Variants in GAS7 observed in about 807,000 individuals in gnomAD.
GAS7 encodes growth arrest-specific protein 7.
In GAS7, 28 loss-of-function variants were observed where a neutral mutation model predicts 71.1. The ratio of observed to expected loss-of-function variants is 0.39; its 90% CI spans 0.29 to 0.54. The LOEUF is 0.54. GAS7 is among the 20% of genes least tolerant of loss of function. The probability of loss-of-function intolerance (pLI) is 0.62; values close to 1 mark genes in which losing one functional copy is unlikely to be tolerated. For synonymous variants in GAS7, 258 were observed against 245.8 expected, an observed-to-expected ratio of 1.05 and a Z score of -0.46; for missense variants, 436 against 627.8, an observed-to-expected ratio of 0.69 and a Z score of 3.27.
At chr17:9,924,996 C>A (rs2067944660) in intron 11 of GAS7, among the ~76,000 whole-genome samples, 1 of 152,216 alleles carries the variant, frequency 6.6e-6, no homozygotes, top group South Asian at 2.1e-4. Context: ...AAAGTGTCAG[C>A]CTCTGTTCCC....
rs949691462 is a variant in GAS7 at position 10,019,816 on chromosome 17, G to T, written c.265C>A (p.Pro89Thr). The T allele has an allele frequency of 1.2e-6, 2 of 1,614,102 alleles. No individual in the cohort carries two copies. Among genetic ancestry groups the T allele is most frequent in the Non-Finnish European group, 1.7e-6 (2 of 1,179,982 alleles). The part of the protein sequence containing the change: ...LPPGWQSYLS[P>T]QGRRYYVNTT... ...TTGACATAGTACCGCCGGCCCTGAG[G>T]CGACAGGTAGCTCTGCCAGCCAGGT... The change falls in exon 2 of 14, where the codon CCT becomes ACT. Residue 89 changes from proline (P) to threonine (T), a missense_variant. Transcript: ENST00000432992.
chr17:10,060,276 G>A (rs751957463), intron 1 of GAS7, among the ~76,000 whole-genome samples: 7 of 152,212 alleles, frequency 4.6e-5, no homozygotes, highest in Non-Finnish European at 7.3e-5. Flanking sequence ...CCAGCTAGCC[G>A]AGTGACACTG....
chr17:9,922,189 GT>G (rs1314610530), intron 11 of GAS7, among the ~76,000 whole-genome samples: 1 of 130,910 alleles, frequency 7.6e-6, no homozygotes, highest in Non-Finnish European at 1.8e-5. Context: ...GGCTATGGTG[GT>G]GATGAAGATG....
At chr17:10,022,303 G>A (rs545004509) in intron 1 of GAS7, among the ~76,000 whole-genome samples, 64 of 152,248 alleles carry the variant, frequency 4.2e-4, no homozygotes, top group Non-Finnish European at 7.5e-4. Flanking sequence ...TTTGATGAAA[G>A]AGATTCTAGA....
chr17:10,198,548 G>C lies in GAS7; in HGVS notation c.-158C>G. ...GCGCGGGGGTCCTCAGGCAGGCGGG[G>C]GACGCGCGCTCCGCGCCGGGAAGCA... On this transcript the variant is annotated 5_prime_UTR_variant, in exon 1 of 14. Coordinates refer to ENST00000432992, the MANE Select transcript of GAS7 (RefSeq NM_201433.2). 2.4e-6 allele frequency: 1 copy of C among 416,156 alleles called. No individual in the cohort carries two copies. Among genetic ancestry groups the C allele is most frequent in the Non-Finnish European group, 4.1e-6 (1 of 245,176 alleles). The allele number at this position is 416,156 out of a possible 1,614,324, so 25.8% of individuals were successfully genotyped here.
At chr17:10,048,331 C>CA (rs1266044044) in intron 1 of GAS7, among the ~76,000 whole-genome samples, 4 of 152,292 alleles carry the variant, frequency 2.6e-5, no homozygotes, top group Admixed American at 1.3e-4. Flanking sequence ...ACAACAACAA[C>CA]AAAAAATCAT....
intron 6 of GAS7, among the ~76,000 whole-genome samples, chr17:9,946,590 GA>G (rs2068795507): frequency 6.6e-6 from 1 of 152,144 alleles, no homozygotes; most frequent in Admixed American, 6.5e-5. Flanking sequence ...TTCATTTATT[GA>G]GGCAGATTCT....
At chr17:10,173,077 A>G (rs1379933688) in intron 1 of GAS7, among the ~76,000 whole-genome samples, 7 of 152,212 alleles carry the variant, frequency 4.6e-5, no homozygotes, top group Non-Finnish European at 1.0e-4. Context: ...TAAACCAAAT[A>G]CGAAGTCCAC....
chr17:10,137,632 T>C (rs534779303), intron 1 of GAS7, among the ~76,000 whole-genome samples: 1 of 151,872 alleles, frequency 6.6e-6, no homozygotes, highest in East Asian at 2.0e-4. Context: ...TTCTGCCTCT[T>C]GGGTTCAAGC....
At chr17:9,998,152 G>A (rs2071120362) in intron 2 of GAS7, among the ~76,000 whole-genome samples, 2 of 152,222 alleles carry the variant, frequency 1.3e-5, no homozygotes, top group African/African-American at 4.8e-5. Context: ...CCATCCTGAA[G>A]CTGCCTAGGG....
chr17:10,048,507 G>A (rs1413488893), intron 1 of GAS7, among the ~76,000 whole-genome samples: 3 of 152,100 alleles, frequency 2.0e-5, no homozygotes, highest in Admixed American at 6.5e-5. Flanking sequence ...GTGCATACAG[G>A]GCCTGGCATC....
intron 4 of GAS7, among the ~76,000 whole-genome samples, chr17:9,961,674 G>C (rs962741963): frequency 6.6e-6 from 1 of 152,184 alleles, no homozygotes; most frequent in African/African-American, 2.4e-5. Flanking sequence ...GCAGGCTCCA[G>C]GTTAGCCATC....
chr17:9,925,365 G>C (rs979496599), intron 11 of GAS7, 111 bp downstream of exon 11: 6 of 1,066,658 alleles, frequency 5.6e-6, no homozygotes, highest in Non-Finnish European at 8.5e-6. Flanking sequence ...TAATTTCCTC[G>C]CTGCAGTCTT....
chr17:10,107,871 A>G (rs1232300994), intron 1 of GAS7, among the ~76,000 whole-genome samples: 6 of 142,836 alleles, frequency 4.2e-5, no homozygotes, highest in African/African-American at 1.1e-4. Context: ...ACAGTCCAGT[A>G]GGGGACTGGG....
intron 9 of GAS7, among the ~76,000 whole-genome samples, chr17:9,927,290 T>TACACACACACACACACACACAC (rs371084335): frequency 8.6e-6 from 1 of 116,890 alleles, no homozygotes; most frequent in Non-Finnish European, 1.7e-5. Flanking sequence ...CTCTACTACA[T>TACACACACACACACACACACAC]ACACACACAC....
intron 2 of GAS7, among the ~76,000 whole-genome samples, chr17:10,012,962 G>A (rs538595847): frequency 1.2e-4 from 19 of 152,128 alleles, no homozygotes; most frequent in African/African-American, 4.3e-4. Flanking sequence ...AATTAGCCGG[G>A]CGTGGTGGCG....
chr17:10,155,354 AAAC>A (rs2074198165), intron 1 of GAS7, among the ~76,000 whole-genome samples: 1 of 152,080 alleles, frequency 6.6e-6, no homozygotes, highest in African/African-American at 2.4e-5. Context: ...ATTAAAGTAA[AAAC>A]AATTCCTCTC....
intron 5 of GAS7, among the ~76,000 whole-genome samples, chr17:9,955,588 GACCCAGGCTCTGA>G (rs1179861431): frequency 1.3e-5 from 2 of 152,158 alleles, no homozygotes; most frequent in Admixed American, 1.3e-4. Context: ...GGAATAGGTG[GACCCAGGCTCTGA>G]ACCCACGCAA....
intron 1 of GAS7, chr17:10,036,394 C>T: frequency 6.7e-7 from 1 of 1,489,992 alleles, no homozygotes; most frequent in East Asian, 2.3e-5. Context: ...GAAAAGCAAA[C>T]TGGAGCATAC....
Sources: gnomAD v4.1 joint callset for allele counts (sites outside exome capture counted in the v4.1 genomes callset) on GRCh38, gnomAD v4.1.1 for gene constraint, MANE v1.5 for transcripts, NCBI Gene and HGNC (gene_info 2026-07-23, HGNC 2026-07-21) for gene names.